CADPS: variants seen among roughly 807,000 people sequenced by gnomAD.
The protein encoded by CADPS is calcium-dependent secretion activator 1.
Under a neutral mutation model 167.3 loss-of-function variants are expected in CADPS, and 57 were observed. The ratio of observed to expected loss-of-function variants is 0.34; its 90% CI spans 0.28 to 0.42. The LOEUF (loss-of-function observed/expected upper bound fraction) is 0.42. Ranked by LOEUF, CADPS falls within the 20% of genes least tolerant of loss-of-function variation. The probability of loss-of-function intolerance (pLI) is 1.00; values close to 1 mark genes in which losing one functional copy is unlikely to be tolerated. For synonymous variants in CADPS, 676 were observed against 635.3 expected (o/e 1.06, Z -0.96); for missense variants, 1,414 against 1,738.1 (o/e 0.81, Z 3.32).
At chr3:62,621,261 G>A (rs1167673550) in intron 6 of CADPS, among the ~76,000 whole-genome samples, 1 of 152,074 alleles carries the variant, frequency 6.6e-6, no homozygotes, top group Non-Finnish European at 1.5e-5. Context: ...TACGGAGGAT[G>A]GGGGAGAGGA....
At chr3:62,663,162 T>A (rs2073683664) in intron 3 of CADPS, among the ~76,000 whole-genome samples, 1 of 152,148 alleles carries the variant, frequency 6.6e-6, no homozygotes, top group Non-Finnish European at 1.5e-5. Context: ...ATTCAAAACT[T>A]TAGGCTTTGA....
intron 19 of CADPS, 95 bp from the exon 20 acceptor site, chr3:62,492,541 A>C (rs2063922587): frequency 1.7e-6 from 2 of 1,177,282 alleles, no homozygotes; most frequent in Non-Finnish European, 2.5e-6. Flanking sequence ...TTCAAAATTA[A>C]TGGTGCATCC....
intron 3 of CADPS, among the ~76,000 whole-genome samples, chr3:62,679,463 A>G (rs1297175667): frequency 6.6e-6 from 1 of 151,944 alleles, no homozygotes; most frequent in Non-Finnish European, 1.5e-5. Flanking sequence ...ATGGGAGCTT[A>G]TGTGTGGTTG....
chr3:62,601,243 G>C lies in CADPS; in HGVS notation c.1326-8495C>G, dbSNP rs1203594598. Among the ~76,000 whole-genome samples, 1 of 152,096 alleles carries C rather than the reference G, an allele frequency of 6.6e-6. No homozygotes were observed. The highest frequency in any genetic ancestry group is 1.5e-5 in the Non-Finnish European group (1 of 68,020). On this transcript the variant is annotated intron_variant, in intron 6 of 29. Coordinates refer to ENST00000383710, the MANE Select transcript of CADPS (RefSeq NM_003716.4). The surrounding 1 kb of genome is among the most constrained non-coding windows in gnomAD (Gnocchi z 4.3). ...TATTATATGAAATTCAAATTTTGAT[G>C]CCCATCAATAACGTTTTATTAGAAC...
intron 28 of CADPS, among the ~76,000 whole-genome samples, chr3:62,406,359 C>T (rs1448595814): frequency 2.6e-5 from 4 of 152,124 alleles, no homozygotes; most frequent in Non-Finnish European, 5.9e-5. Context: ...GCTTATTAAT[C>T]GGGTTTGCTT....
At chr3:62,808,121 C>T (rs980152943) in intron 1 of CADPS, among the ~76,000 whole-genome samples, 1 of 145,580 alleles carries the variant, frequency 6.9e-6, no homozygotes, top group Non-Finnish European at 1.6e-5. Context: ...GATCCGCCAG[C>T]CTCAGCCTCC....
chr3:62,590,600 G>A (rs1214487008), intron 7 of CADPS, among the ~76,000 whole-genome samples: 1 of 152,006 alleles, frequency 6.6e-6, no homozygotes, highest in Non-Finnish European at 1.5e-5. Flanking sequence ...TATGACTCCA[G>A]GTTGATTCTA....
At chr3:62,614,099 T>A (rs1018515702) in intron 6 of CADPS, among the ~76,000 whole-genome samples, 1 of 152,152 alleles carries the variant, frequency 6.6e-6, no homozygotes, top group South Asian at 2.1e-4. Flanking sequence ...ATCACTACCA[T>A]CATCATCAAT....
At chr3:62,730,903 A>T (rs2077646518) in intron 3 of CADPS, among the ~76,000 whole-genome samples, 1 of 152,242 alleles carries the variant, frequency 6.6e-6, no homozygotes, top group African/African-American at 2.4e-5. Flanking sequence ...CTGACAGTCC[A>T]ATAACTGTTA....
At chr3:62,834,683 G>A (rs1025581264) in intron 1 of CADPS, among the ~76,000 whole-genome samples, 2 of 152,128 alleles carry the variant, frequency 1.3e-5, no homozygotes, top group Non-Finnish European at 2.9e-5. Flanking sequence ...CCTAGTCCAG[G>A]CTCACCAAGT....
At chr3:62,741,113 A>G (rs2080139558) in intron 3 of CADPS, among the ~76,000 whole-genome samples, 1 of 152,132 alleles carries the variant, frequency 6.6e-6, no homozygotes, top group Non-Finnish European at 1.5e-5. Flanking sequence ...AACTTTCTTA[A>G]GATGTGAGAA....
At chr3:62,546,653 C>T (rs1332930201) in intron 11 of CADPS, among the ~76,000 whole-genome samples, 1 of 152,136 alleles carries the variant, frequency 6.6e-6, no homozygotes, top group Non-Finnish European at 1.5e-5. Flanking sequence ...AAAAAAATTA[C>T]ATCCATACTG....
At position 62,682,365 on chromosome 3, in the gene CADPS, T is replaced by A. The variant is rs144523579; in HGVS notation, c.889-19971A>T. Among the ~76,000 whole-genome samples the A allele has an allele frequency of 1.6e-3, 236 of 152,164 alleles. 2 individuals carry two copies. The highest frequency in any genetic ancestry group is 5.4e-3 in the African/African-American group (224 of 41,508). ...ATGCCAGAATGGACTGGAGCTTAAT[T>A]GGGAGTTCTTGCAAGGAAGCCCAAA... On this transcript the variant is annotated intron_variant, in intron 3 of 29. Coordinates refer to ENST00000383710, the MANE Select transcript of CADPS (RefSeq NM_003716.4).
chr3:62,422,272 G>A (rs903329019), intron 28 of CADPS, among the ~76,000 whole-genome samples: 2 of 152,102 alleles, frequency 1.3e-5, no homozygotes, highest in African/African-American at 4.8e-5. Context: ...GCTGACCTCA[G>A]CCACTGCCCC....
chr3:62,597,213 G>A (rs1317288989), intron 6 of CADPS, among the ~76,000 whole-genome samples: 2 of 152,048 alleles, frequency 1.3e-5, no homozygotes, highest in African/African-American at 4.8e-5. Flanking sequence ...GCATATGGTG[G>A]TGCATGCCTG....
intron 8 of CADPS, among the ~76,000 whole-genome samples, chr3:62,583,545 C>T (rs2083914904): frequency 6.6e-6 from 1 of 152,148 alleles, no homozygotes; most frequent in African/African-American, 2.4e-5. Context: ...TGCACATGCT[C>T]CTGTGGCTTT....
intron 28 of CADPS, among the ~76,000 whole-genome samples, chr3:62,414,570 T>G (rs1237661726): frequency 6.6e-6 from 1 of 152,228 alleles, no homozygotes; most frequent in African/African-American, 2.4e-5. Context: ...GAGGAGCATT[T>G]ATTCTCCAGG....
rs369088663 is a variant in CADPS at position 62,439,404 on chromosome 3, C to T, written c.3670-1193G>A. 5 of 152,278 alleles carry T rather than the reference C, an allele frequency of 3.3e-5. No homozygotes were observed. In the East Asian group the frequency reaches 7.7e-4, roughly 24 times the overall value. 9.4% of individuals were successfully genotyped at this position (152,278 alleles called of 1,614,324 possible). ...TGCTAGTAACATTTCTTAACACCTGCTGAAACAATGACAAGGTATTAATTT... is the reference window on the plus strand; with the variant it reads ...TGCTAGTAACATTTCTTAACACCTGTTGAAACAATGACAAGGTATTAATTT... On this transcript the variant is annotated intron_variant, in intron 27 of 29. Transcript: ENST00000383710.
chr3:62,400,703 G>A (rs183647628), intron 29 of CADPS, among the ~76,000 whole-genome samples: 9 of 147,972 alleles, frequency 6.1e-5, no homozygotes, highest in Admixed American at 4.8e-4. Context: ...GGGTTCAAAC[G>A]ATTCTCCTGC....
Sources: gnomAD v4.1 joint callset for allele counts (sites outside exome capture counted in the v4.1 genomes callset) on GRCh38, gnomAD v4.1.1 for gene constraint, Gnocchi (gnomAD v3.1) non-coding constraint, MANE v1.5 for transcripts, NCBI Gene and HGNC (gene_info 2026-07-23, HGNC 2026-07-21) for gene names.